OR3A2: variants seen among roughly 807,000 people sequenced by gnomAD.
OR3A2 encodes the protein olfactory receptor 3A2.
For synonymous variants in OR3A2, 126 were observed against 159.3 expected, an observed-to-expected ratio of 0.79 and a Z score of 1.57; for missense variants, 318 against 392.8, an observed-to-expected ratio of 0.81 and a Z score of 1.61.
intron 3 of OR3A2, chr17:3,291,709 T>C (rs2048869149): frequency 6.2e-7 from 1 of 1,612,814 alleles, no homozygotes; most frequent in African/African-American, 1.3e-5. Flanking sequence ...AAGCTGTAGA[T>C]GATTGGGTTC....
chr17:3,328,616 G>A (rs2150640434), intron 3 of OR3A2, among the ~76,000 whole-genome samples: 1 of 148,462 alleles, frequency 6.7e-6, no homozygotes, highest in Non-Finnish European at 1.5e-5. Flanking sequence ...TGGTGAGAGA[G>A]GGCATCCCTG....
At chr17:3,297,639 C>T (rs1254491516) in intron 3 of OR3A2, among the ~76,000 whole-genome samples, 1 of 151,538 alleles carries the variant, frequency 6.6e-6, no homozygotes, top group Non-Finnish European at 1.5e-5. Flanking sequence ...ACCTCCTCTA[C>T]TCCATTGTGG....
At chr17:3,367,747 C>T (rs1398948711) in intron 2 of OR3A2, among the ~76,000 whole-genome samples, 2 of 151,878 alleles carry the variant, frequency 1.3e-5, no homozygotes, top group African/African-American at 2.4e-5. Context: ...GACTTCTTTT[C>T]CTCTGGGTAG....
chr17:3,278,178 T>G (rs1369576179), exon 2 of OR3A2: 1 of 1,614,014 alleles, frequency 6.2e-7, no homozygotes, highest in Non-Finnish European at 8.5e-7. Flanking sequence ...CACGGTGAGG[T>G]GGGAGCCACA....
chr17:3,340,689 T>C (rs1191489927), intron 2 of OR3A2, among the ~76,000 whole-genome samples: 1 of 152,212 alleles, frequency 6.6e-6, no homozygotes, highest in Non-Finnish European at 1.5e-5. Context: ...TCCAACTATG[T>C]GGTCAATTTT....
intron 3 of OR3A2, chr17:3,292,156 C>T (rs1198280926): frequency 6.2e-6 from 10 of 1,614,024 alleles, no homozygotes; most frequent in Admixed American, 3.3e-5. Context: ...ATCCTCTGGA[C>T]TGTCTGACTC....
chr17:3,313,825 A>G (rs2049061350), intron 3 of OR3A2, among the ~76,000 whole-genome samples: 1 of 152,196 alleles, frequency 6.6e-6, no homozygotes, highest in Non-Finnish European at 1.5e-5. Flanking sequence ...TATGTCTTCC[A>G]AACACACAAC....
intron 3 of OR3A2, among the ~76,000 whole-genome samples, chr17:3,301,124 C>G (rs541750397): frequency 1.3e-5 from 2 of 152,268 alleles, no homozygotes; most frequent in African/African-American, 4.8e-5. Flanking sequence ...CAAGTCTTTG[C>G]TATTGTGAAT....
At chr17:3,295,085 A>G (rs2048908954) in intron 3 of OR3A2, among the ~76,000 whole-genome samples, 1 of 152,128 alleles carries the variant, frequency 6.6e-6, no homozygotes, top group African/African-American at 2.4e-5. Context: ...AGACTAAAAC[A>G]TTTGTGAAAA....
At chr17:3,336,962 GA>G (rs1434108683) in intron 2 of OR3A2, among the ~76,000 whole-genome samples, 10 of 152,214 alleles carry the variant, frequency 6.6e-5, no homozygotes, top group Admixed American at 2.0e-4. Flanking sequence ...CCATCTTATG[GA>G]AGATAATTAC....
At chr17:3,298,786 G>T (rs1453122132) in intron 3 of OR3A2, among the ~76,000 whole-genome samples, 1 of 152,166 alleles carries the variant, frequency 6.6e-6, no homozygotes, top group African/African-American at 2.4e-5. Context: ...GAAGCACTGT[G>T]CAGGCCTGTG....
chr17:3,312,664 G>A (rs578126524), intron 3 of OR3A2, among the ~76,000 whole-genome samples: 19 of 152,236 alleles, frequency 1.2e-4, no homozygotes, highest in African/African-American at 3.6e-4. Flanking sequence ...TCGCTCGGTC[G>A]CCCAGGCTGG....
At chr17:3,292,262 G>C (rs1308242028) in intron 3 of OR3A2, 10 of 1,614,146 alleles carry the variant, frequency 6.2e-6, no homozygotes, top group Non-Finnish European at 7.6e-6. Flanking sequence ...CGAACAGATG[G>C]AAGAAGAAGA....
At chr17:3,313,782 A>G (rs2049061143) in intron 3 of OR3A2, among the ~76,000 whole-genome samples, 1 of 152,200 alleles carries the variant, frequency 6.6e-6, no homozygotes, top group African/African-American at 2.4e-5. Flanking sequence ...GCTAGGTTAT[A>G]ATCTCCTTAA....
intron 3 of OR3A2, chr17:3,310,404 G>C (rs935625344): frequency 1.9e-6 from 1 of 535,200 alleles, no homozygotes; most frequent in South Asian, 1.4e-5. Flanking sequence ...CATCCTCTTT[G>C]TCATCTTCCT....
At chr17:3,335,415 G>A (rs901058267) in intron 3 of OR3A2, among the ~76,000 whole-genome samples, 4 of 151,750 alleles carry the variant, frequency 2.6e-5, no homozygotes, top group African/African-American at 9.7e-5. Flanking sequence ...TATCCAAGAG[G>A]GATTTTTCCA....
In OR3A2 at chr17:3,353,896, G is replaced by C. The variant is rs565230881; in HGVS notation, c.-178-17770C>G. On this transcript the variant is annotated intron_variant, in intron 2 of 4. Coordinates refer to the OR3A2 transcript ENST00000573491. ...AGTCACCCCACTGTGCTATCAAATAGTGGTTCTTATTCATCCATTTTTTTT... is the reference window on the plus strand; with the variant it reads ...AGTCACCCCACTGTGCTATCAAATACTGGTTCTTATTCATCCATTTTTTTT... Among the ~76,000 whole-genome samples, 5 of 135,582 alleles carry C rather than the reference G, an allele frequency of 3.7e-5. No homozygotes were observed. In the South Asian group the frequency reaches 1.2e-3, roughly 33 times the overall value. The allele number at this position is 135,582 out of a possible 152,430, so 88.9% of individuals were successfully genotyped here. A position where few individuals can be genotyped will look rare whatever the true frequency, so the allele number is the denominator to read the frequency against.
chr17:3,349,115 C>T (rs1220321832), intron 2 of OR3A2, among the ~76,000 whole-genome samples: 6 of 151,976 alleles, frequency 3.9e-5, no homozygotes, highest in South Asian at 2.1e-4. Context: ...AGGAAGAAAC[C>T]GCATCAACTA....
At chr17:3,364,905 A>G (rs1597359739) in intron 2 of OR3A2, among the ~76,000 whole-genome samples, 1 of 124,216 alleles carries the variant, frequency 8.1e-6, no homozygotes, top group African/African-American at 3.2e-5. Flanking sequence ...CAGAACATAT[A>G]AGCACTAAGG....
Sources: allele counts gnomAD v4.1 joint callset (sites outside exome capture counted in the v4.1 genomes callset), GRCh38; gene constraint gnomAD v4.1.1; transcripts MANE v1.5; gene names NCBI Gene and HGNC (gene_info 2026-07-23, HGNC 2026-07-21).